NLGN1: variants seen among roughly 807,000 people sequenced by gnomAD.
The protein encoded by NLGN1 is neuroligin 1.
Under a neutral mutation model 65.5 loss-of-function variants are expected in NLGN1, and 12 were observed. That is an observed-to-expected ratio of 0.18 (90% CI 0.12 to 0.30). NLGN1 has a LOEUF of 0.30. Among genes scored for constraint, NLGN1 ranks in the 10% least tolerant of loss-of-function variants. The pLI is 1.00. For missense variants in NLGN1, 750 were observed against 1,007.1 expected, an observed-to-expected ratio of 0.74 and a Z score of 3.46; for synonymous variants, 350 against 359.5, an observed-to-expected ratio of 0.97 and a Z score of 0.30.
intron 4 of NLGN1, among the ~76,000 whole-genome samples, chr3:174,117,494 G>C (rs746355267): frequency 1.6e-4 from 25 of 151,870 alleles, no homozygotes; most frequent in African/African-American, 5.8e-4. Context: ...AGTGGCGGGC[G>C]CCTGTAGTCC....
At chr3:173,827,629 ATGTGTGTG>A (rs59670610) in intron 4 of NLGN1, among the ~76,000 whole-genome samples, 346 of 146,986 alleles carry the variant, frequency 2.4e-3, no homozygotes, top group African/African-American at 7.1e-3. Flanking sequence ...TATTTATGAT[ATGTGTGTG>A]TGTGTGTGTG....
chr3:174,212,966 A>G (rs776333283), intron 4 of NLGN1, among the ~76,000 whole-genome samples: 14 of 152,274 alleles, frequency 9.2e-5, no homozygotes, highest in Non-Finnish European at 1.6e-4. Flanking sequence ...TTTGACACTT[A>G]AAGGCCCCTG....
intron 3 of NLGN1, among the ~76,000 whole-genome samples, chr3:173,786,795 G>C (rs913332668): frequency 6.6e-6 from 1 of 152,084 alleles, no homozygotes; most frequent in African/African-American, 2.4e-5. Context: ...ACAGATATGG[G>C]GCAGGGCATG....
At position 174,144,873 on chromosome 3, in the gene NLGN1, G is replaced by GTT. The variant is rs1197755744; in HGVS notation, c.647-130440_647-130439dup. 2.0e-5 allele frequency among the ~76,000 whole-genome samples: 3 copies of GTT among 152,048 alleles called. No homozygotes were observed. The East Asian group carries it at 5.8e-4, about 29-fold the overall frequency. On this transcript the variant is annotated intron_variant, in intron 4 of 6. Coordinates refer to ENST00000457714, the Ensembl canonical transcript of NLGN1. ...TAGGTGGCTGTTCACTCTAATGATA[G>GTT]TTTCTTTTGCTGTGCAGAAGCTCTT...
intron 4 of NLGN1, among the ~76,000 whole-genome samples, chr3:174,224,467 G>A (rs1304024223): frequency 6.6e-6 from 1 of 152,202 alleles, no homozygotes; most frequent in East Asian, 1.9e-4. Context: ...GGGAGGCCGA[G>A]GCGGGTAGAT....
At chr3:173,700,125 C>T (rs1766905508) in intron 3 of NLGN1, among the ~76,000 whole-genome samples, 1 of 152,114 alleles carries the variant, frequency 6.6e-6, no homozygotes, top group Non-Finnish European at 1.5e-5. Flanking sequence ...AACTATTCCC[C>T]AAATGCCAAA....
chr3:173,549,047 A>G (rs1173746268), intron 2 of NLGN1, among the ~76,000 whole-genome samples: 5 of 152,022 alleles, frequency 3.3e-5, no homozygotes, highest in East Asian at 3.8e-4. Context: ...TTTTACCACA[A>G]TTGCTTTCAT....
chr3:173,619,870 A>G (rs912603394), intron 3 of NLGN1, among the ~76,000 whole-genome samples: 3 of 152,166 alleles, frequency 2.0e-5, no homozygotes, highest in African/African-American at 4.8e-5. Flanking sequence ...ACACTTCATC[A>G]TGGTAATGAT....
At chr3:173,852,162 C>A (rs11925194) in intron 4 of NLGN1, among the ~76,000 whole-genome samples, 31,803 of 149,988 alleles carry the variant, frequency 0.21, 3,618 homozygotes, top group African/African-American at 0.34. Context: ...CGAGACCATC[C>A]TGGCTAACAC....
At chr3:174,095,533 C>CTATA (rs572907443) in intron 4 of NLGN1, among the ~76,000 whole-genome samples, 1 of 127,184 alleles carries the variant, frequency 7.9e-6, no homozygotes, top group Admixed American at 7.3e-5. Context: ...CATTATATAT[C>CTATA]TATATATATA....
At chr3:174,262,401 G>A (rs2152860760) in intron 4 of NLGN1, among the ~76,000 whole-genome samples, 1 of 128,672 alleles carries the variant, frequency 7.8e-6, no homozygotes. Context: ...ACTTCTTCCT[G>A]GTTTAGTCTT....
intron 3 of NLGN1, among the ~76,000 whole-genome samples, chr3:173,742,086 T>G (rs1163214781): frequency 6.6e-6 from 1 of 152,164 alleles, no homozygotes; most frequent in Admixed American, 6.6e-5. Context: ...TAAGATTTGT[T>G]TCTTCCTTCC....
chr3:173,541,771 A>G (rs1334837479), intron 2 of NLGN1, among the ~76,000 whole-genome samples: 1 of 152,056 alleles, frequency 6.6e-6, no homozygotes, highest in Non-Finnish European at 1.5e-5. Flanking sequence ...TATACATCTA[A>G]TGTTGCTGGC....
At chr3:173,846,193 G>A (rs1725761296) in intron 4 of NLGN1, among the ~76,000 whole-genome samples, 1 of 152,156 alleles carries the variant, frequency 6.6e-6, no homozygotes, top group South Asian at 2.1e-4. Context: ...ATAAATGAAT[G>A]AATGAACCAT....
intron 2 of NLGN1, among the ~76,000 whole-genome samples, chr3:173,497,424 T>A (rs556605946): frequency 6.6e-6 from 1 of 151,228 alleles, no homozygotes; most frequent in Admixed American, 6.6e-5. Context: ...AAATAAATTC[T>A]TATTTATATC....
chr3:173,443,327 A>G (rs1211984300), intron 2 of NLGN1, among the ~76,000 whole-genome samples: 1 of 95,824 alleles, frequency 1.0e-5, no homozygotes, highest in Non-Finnish European at 2.5e-5. Context: ...TACTATATAT[A>G]TATATACACT....
rs181787230 is a variant in NLGN1, at chr3:173,499,561, G to C, written c.-321+64483G>C. Among the ~76,000 whole-genome samples, 218 of 151,568 alleles carry C rather than the reference G, an allele frequency of 1.4e-3. 1 individual carries two copies. The highest frequency in any genetic ancestry group is 5.8e-4 in the East Asian group (3 of 5,168). ...AGGCTCTTTTTTGGTTCCATATGAA[G>C]TTTAAAGTAGTTTTTTCCAATTCTG... On this transcript the variant is annotated intron_variant, in intron 2 of 6. Coordinates refer to ENST00000457714, the Ensembl canonical transcript of NLGN1.
At chr3:174,278,962 G>T in exon 6 of NLGN1, 1 of 1,547,170 alleles carries the variant, frequency 6.5e-7, no homozygotes, top group Non-Finnish European at 8.7e-7. Context: ...CACAAAAGTT[G>T]GTTGCAATGT....
At chr3:174,221,150 C>T (rs13062477) in intron 4 of NLGN1, among the ~76,000 whole-genome samples, 94,124 of 151,942 alleles carry the variant, frequency 0.62, 30,872 homozygotes, top group East Asian at 0.8. Context: ...CTCTGTTTTG[C>T]CAGCCCACCT....
Sources: allele counts gnomAD v4.1 joint callset (sites outside exome capture counted in the v4.1 genomes callset), GRCh38; gene constraint gnomAD v4.1.1; transcripts MANE v1.5; gene names NCBI Gene and HGNC (gene_info 2026-07-23, HGNC 2026-07-21).